PDE4B: variants seen among roughly 807,000 people sequenced by gnomAD.
The protein encoded by PDE4B is phosphodiesterase 4B.
Under a neutral mutation model 82.2 loss-of-function variants are expected in PDE4B, and 20 were observed. The ratio of observed to expected loss-of-function variants is 0.24; its 90% CI spans 0.17 to 0.35. PDE4B has a LOEUF of 0.35. Among genes scored for constraint, PDE4B ranks in the 10% least tolerant of loss-of-function variants. PDE4B has a pLI of 1.00. For missense variants in PDE4B, 655 were observed against 907.2 expected (o/e 0.72, Z 3.57); for synonymous variants, 320 against 318.9 (o/e 1.00, Z -0.04).
At chr1:66,068,623 G>C (rs1040371449) in intron 3 of PDE4B, among the ~76,000 whole-genome samples, 2 of 151,736 alleles carry the variant, frequency 1.3e-5, no homozygotes, top group African/African-American at 4.8e-5. Flanking sequence ...AATACACTTT[G>C]AACAATTGCA....
intron 3 of PDE4B, among the ~76,000 whole-genome samples, chr1:66,090,758 T>C (rs1429413943): frequency 6.7e-6 from 1 of 149,118 alleles, no homozygotes; most frequent in Non-Finnish European, 1.5e-5. Flanking sequence ...TATGTATGTA[T>C]ACATATGTGT....
chr1:65,846,594 A>C (rs978636950), intron 1 of PDE4B, among the ~76,000 whole-genome samples: 1 of 152,198 alleles, frequency 6.6e-6, no homozygotes, highest in African/African-American at 2.4e-5. Context: ...CTAAGATGCT[A>C]AGAATGTAGC....
chr1:66,067,955 G>A (rs7411452), intron 3 of PDE4B, among the ~76,000 whole-genome samples: 1 of 126,068 alleles, frequency 7.9e-6, no homozygotes, highest in Non-Finnish European at 1.7e-5. Context: ...GGGGTGGGGG[G>A]AGGGGGAGAG....
chr1:65,953,821 A>G (rs1260334972), intron 3 of PDE4B, among the ~76,000 whole-genome samples: 1 of 152,146 alleles, frequency 6.6e-6, no homozygotes, highest in African/African-American at 2.4e-5. Context: ...ATTATTTTGC[A>G]TAACAAATGG....
At chr1:65,879,171 A>G (rs1646682503) in intron 1 of PDE4B, among the ~76,000 whole-genome samples, 1 of 152,102 alleles carries the variant, frequency 6.6e-6, no homozygotes. Context: ...GGTGCCTGAG[A>G]TATGCAGTAG....
chr1:65,855,653 G>A (rs1277090366), intron 1 of PDE4B, among the ~76,000 whole-genome samples: 5 of 152,064 alleles, frequency 3.3e-5, no homozygotes, highest in Non-Finnish European at 7.4e-5. Flanking sequence ...AATATTCAGT[G>A]GATTCAAGAA....
Position 66,241,568 on chromosome 1 carries a change from G to A in PDE4B, c.282-5892G>A, listed in dbSNP as rs373616810. On this transcript the variant is annotated intron_variant, in intron 3 of 16. Coordinates refer to ENST00000341517, the MANE Select transcript of PDE4B (RefSeq NM_002600.4). The stretch of plus-strand genomic sequence containing the variant: ...GTTGCTCAGCTGGGAGTGCAGTGGC[G>A]CATCTTGTCTCACTGCAATCTCCGC... Among the ~76,000 whole-genome samples the A allele has an allele frequency of 1.9e-3, 286 of 151,868 alleles. 1 individual carries two copies. The highest frequency in any genetic ancestry group is 6.5e-3 in the African/African-American group (270 of 41,398).
chr1:66,057,262 C>T (rs942721058), intron 3 of PDE4B, among the ~76,000 whole-genome samples: 1 of 152,126 alleles, frequency 6.6e-6, no homozygotes, highest in Non-Finnish European at 1.5e-5. Context: ...ACATGTTTCC[C>T]ACTCTTACTA....
intron 3 of PDE4B, among the ~76,000 whole-genome samples, chr1:66,014,808 G>A (rs377706006): frequency 3.9e-5 from 6 of 152,248 alleles, no homozygotes; most frequent in South Asian, 4.1e-4. Context: ...TAGAGGTTAC[G>A]AATGTTGCTA....
intron 3 of PDE4B, among the ~76,000 whole-genome samples, chr1:66,014,118 C>G (rs572459308): frequency 6.6e-6 from 1 of 151,850 alleles, no homozygotes; most frequent in African/African-American, 2.4e-5. Flanking sequence ...CTGTTTAAGT[C>G]CTTTGTACAT....
chr1:66,129,015 T>C lies in PDE4B; in HGVS notation c.282-118445T>C, dbSNP rs557756481. Reference sequence around the variant, plus strand: ...ACAGCCGAACCATATCAGCAAACTATTATGATTGAATTAAGAAATAAGGAA... The same window carrying C: ...ACAGCCGAACCATATCAGCAAACTACTATGATTGAATTAAGAAATAAGGAA... On this transcript the variant is annotated intron_variant, in intron 3 of 16. Transcript: ENST00000341517. Among the ~76,000 whole-genome samples, 8 of 152,262 alleles carry C rather than the reference T, an allele frequency of 5.3e-5. No homozygotes were observed. The East Asian group carries it at 1.4e-3, about 26-fold the overall frequency.
rs12021998 is a variant in PDE4B, at chr1:65,823,911, A to T, written c.-71+30663A>T. The stretch of plus-strand genomic sequence containing the variant: ...CTATGTACCCCTTAAAAATGAAAGC[A>T]ATCATCCATTCTCTGTCTTCTAAAC... On this transcript the variant is annotated intron_variant, in intron 1 of 16. Transcript: ENST00000341517. Among the ~76,000 whole-genome samples the T allele has an allele frequency of 1.4e-3, 210 of 152,326 alleles. 6 individuals are homozygous for T. In the East Asian group the frequency reaches 0.03, roughly 22 times the overall value.
At chr1:66,082,639 A>AT (rs1656800101) in intron 3 of PDE4B, among the ~76,000 whole-genome samples, 4 of 111,452 alleles carry the variant, frequency 3.6e-5, no homozygotes, top group African/African-American at 1.1e-4. Flanking sequence ...TAGGATTGAA[A>AT]TAATATATAT....
At chr1:66,120,186 G>A (rs151312166) in intron 3 of PDE4B, among the ~76,000 whole-genome samples, 227 of 152,230 alleles carry the variant, frequency 1.5e-3, no homozygotes, top group African/African-American at 5.2e-3. Flanking sequence ...CCAAAATGAG[G>A]GAACTAGATA....
intron 10 of PDE4B, among the ~76,000 whole-genome samples, chr1:66,362,546 T>G (rs1486206059): frequency 6.6e-6 from 1 of 152,176 alleles, no homozygotes; most frequent in Non-Finnish European, 1.5e-5. Flanking sequence ...TTACTAAGAA[T>G]GAAATAAATT....
chr1:65,857,437 A>T (rs1557781964), intron 1 of PDE4B, among the ~76,000 whole-genome samples: 1 of 151,560 alleles, frequency 6.6e-6, no homozygotes, highest in East Asian at 1.9e-4. Context: ...TTTTATTTTT[A>T]TTTTTTAGAG....
At chr1:65,890,617 C>A (rs1295068439) in intron 1 of PDE4B, among the ~76,000 whole-genome samples, 2 of 151,910 alleles carry the variant, frequency 1.3e-5, no homozygotes, top group African/African-American at 4.8e-5. Flanking sequence ...CTGTAGTCAG[C>A]TGCAATCAGA....
At chr1:66,301,052 A>T (rs500541) in intron 7 of PDE4B, among the ~76,000 whole-genome samples, 2 of 152,046 alleles carry the variant, frequency 1.3e-5, no homozygotes, top group Admixed American at 6.6e-5. Context: ...TACACATATG[A>T]GCATGCGGTG....
intron 1 of PDE4B, among the ~76,000 whole-genome samples, chr1:65,883,904 A>G (rs182915374): frequency 1.1e-3 from 167 of 152,252 alleles, no homozygotes; most frequent in African/African-American, 3.9e-3. Context: ...TTCTGCATCT[A>G]TTGAGATAAT....
Sources: gnomAD v4.1 joint callset for allele counts (sites outside exome capture counted in the v4.1 genomes callset) on GRCh38, gnomAD v4.1.1 for gene constraint, MANE v1.5 for transcripts, NCBI Gene and HGNC (gene_info 2026-07-23, HGNC 2026-07-21) for gene names.